The following NUCB2 variants were observed in gnomAD, a reference collection of about 807,000 sequenced individuals.
NUCB2 encodes nucleobindin-2.
In NUCB2, 48 loss-of-function variants were observed where a neutral mutation model predicts 57.9. The observed-to-expected ratio is 0.83, with a 90% CI of 0.66 to 1.05. The LOEUF (loss-of-function observed/expected upper bound fraction) is 1.05, where lower values mean the gene tolerates loss of function less well. Ranked by LOEUF, NUCB2 falls within the 50% of genes least tolerant of loss-of-function variation. The pLI, the probability that NUCB2 is intolerant of heterozygous loss-of-function variation, is 0.00. For missense variants in NUCB2, 442 were observed against 476.2 expected, an observed-to-expected ratio of 0.93 and a Z score of 0.67; for synonymous variants, 139 against 152.1, an observed-to-expected ratio of 0.91 and a Z score of 0.64.
chr11:17,322,033 T>A (rs1950093515), intron 11 of NUCB2, among the ~76,000 whole-genome samples: 2 of 152,198 alleles, frequency 1.3e-5, no homozygotes, highest in Admixed American at 1.3e-4. Flanking sequence ...TTTTCTCTCA[T>A]TCTGTGGGTT....
chr11:17,348,319 G>GGTTTTTTTTTTTTTTT (rs1952917777), intron 2 of NUCB2, among the ~76,000 whole-genome samples: 1 of 84,452 alleles, frequency 1.2e-5, no homozygotes, highest in African/African-American at 5.0e-5. Context: ...TTGTTTTTGT[G>GGTTTTTTTTTTTTTTT]TTTTTTTTTT....
chr11:17,345,208 A>C (rs1040099633), intron 2 of NUCB2, among the ~76,000 whole-genome samples: 12 of 152,252 alleles, frequency 7.9e-5, no homozygotes, highest in Middle Eastern at 3.4e-3. Flanking sequence ...TGAAAAAAAA[A>C]CCTATCCATT....
intron 1 of NUCB2, among the ~76,000 whole-genome samples, chr11:17,279,536 T>C (rs1408469531): frequency 6.6e-6 from 1 of 152,162 alleles, no homozygotes; most frequent in Non-Finnish European, 1.5e-5. Context: ...TTTTTTGCTA[T>C]ACATACATAA....
chr11:17,278,994 A>G (rs1591137359), intron 1 of NUCB2, among the ~76,000 whole-genome samples: 1 of 152,166 alleles, frequency 6.6e-6, no homozygotes, highest in Admixed American at 6.5e-5. Flanking sequence ...GGAGTTCAAG[A>G]CCAGCCTGGC....
chr11:17,331,466 C>G lies in NUCB2; in HGVS notation c.*47C>G. The G allele has an allele frequency of 7.8e-7, 1 of 1,290,090 alleles. No individual in the cohort carries two copies. Among genetic ancestry groups the G allele is most frequent in the Non-Finnish European group, 1.0e-6 (1 of 966,442 alleles). 79.9% of individuals were successfully genotyped at this position (1,290,090 alleles called of 1,614,324 possible). A position where few individuals can be genotyped will look rare whatever the true frequency, so the allele number is the denominator to read the frequency against. On this transcript the variant is annotated 3_prime_UTR_variant, in exon 14 of 14. Transcript: ENST00000529010. ...TGGAAGAAAGCTGTTAACTCAACAT[C>G]TATTTCATCTTTTTAGCTCCCTTCC...
Position 17,295,247 on chromosome 11 carries a change from A to G in NUCB2, c.1-77A>G, listed in dbSNP as rs1012911860. 14 of 1,251,232 alleles carry G rather than the reference A, an allele frequency of 1.1e-5. No individual in the cohort carries two copies. The African/African-American group carries it at 2.0e-4, about 18-fold the overall frequency. The allele number at this position is 1,251,232 out of a possible 1,614,324, so 77.5% of individuals were successfully genotyped here. ...ACCTCTTGAGATTAAATATATGATT[A>G]ATGTGACATTCGGAATGCATGTATA... On this transcript the variant is annotated intron_variant, in intron 2 of 13. Coordinates refer to ENST00000529010, the MANE Select transcript of NUCB2 (RefSeq NM_005013.4).
At chr11:17,311,704 A>G (rs1004832093) in intron 8 of NUCB2, 168 bp from the exon 9 acceptor site, 6 of 511,210 alleles carry the variant, frequency 1.2e-5, no homozygotes, top group Non-Finnish European at 1.7e-5. Flanking sequence ...CAGCATATTT[A>G]TCAGTTCAGC....
chr11:17,278,209 T>G (rs906776746), intron 1 of NUCB2, among the ~76,000 whole-genome samples: 5 of 129,282 alleles, frequency 3.9e-5, no homozygotes, highest in Middle Eastern at 4.4e-3. Flanking sequence ...GGAGTCTCAC[T>G]CTGTCACCCA....
intron 2 of NUCB2, among the ~76,000 whole-genome samples, chr11:17,340,072 G>A (rs1403723992): frequency 6.6e-6 from 1 of 152,210 alleles, no homozygotes; most frequent in East Asian, 1.9e-4. Context: ...GTATCTCATT[G>A]TGGTTTTGAT....
intron 2 of NUCB2, among the ~76,000 whole-genome samples, chr11:17,342,407 G>A (rs1016874186): frequency 1.6e-4 from 24 of 151,696 alleles, no homozygotes; most frequent in African/African-American, 5.6e-4. Context: ...GTGATGTTAG[G>A]GTGTCAATTT....
At chr11:17,287,891 T>A (rs1359128344) in intron 2 of NUCB2, among the ~76,000 whole-genome samples, 3 of 151,934 alleles carry the variant, frequency 2.0e-5, no homozygotes, top group African/African-American at 7.3e-5. Flanking sequence ...TCCCAGCTAC[T>A]TGGGAGGCTG....
chr11:17,293,189 G>A (rs1414807109), intron 2 of NUCB2, among the ~76,000 whole-genome samples: 2 of 150,976 alleles, frequency 1.3e-5, no homozygotes, highest in Non-Finnish European at 2.9e-5. Context: ...GGGAGGCAGA[G>A]GTTGCAGTGA....
rs562288338 is a variant in NUCB2, at chr11:17,285,313, G to A, written c.-1+2370G>A. On this transcript the variant is annotated intron_variant, in intron 2 of 13. Transcript: ENST00000529010. ...GGCGTGGCTGGGTGAGGTGGCTCAC[G>A]CCTATAATCCCAGCACTTTGGGAGG... 2.3e-3 allele frequency among the ~76,000 whole-genome samples: 348 copies of A among 152,168 alleles called. 2 individuals carry two copies. The highest frequency in any genetic ancestry group is 7.9e-3 in the African/African-American group (329 of 41,522).
chr11:17,338,517 T>G (rs1483659273), intron 2 of NUCB2, among the ~76,000 whole-genome samples: 7 of 152,162 alleles, frequency 4.6e-5, no homozygotes, highest in Admixed American at 3.3e-4. Context: ...GAAAATTTGC[T>G]TACCTCCTTT....
rs1948387658 is a variant in NUCB2, at chr11:17,310,892, A to C, written c.551A>C (p.Lys184Thr). 6.3e-7 allele frequency: 1 copy of C among 1,597,482 alleles called. No individual in the cohort carries two copies. The highest frequency in any genetic ancestry group is 1.4e-5 in the African/African-American group (1 of 73,810). ...GAATTTAAAAAATATGAAATGATGA[A>C]GGAACATGAAAGGAGAGAATATTTA... is the stretch of plus-strand genomic sequence containing the variant. ...HEEFKKYEMM[K>T]EHERREYLKT... Residue 184 changes from lysine to threonine, a missense_variant, in exon 7 of 14, where the codon AAG becomes ACG. Transcript: ENST00000529010.
chr11:17,288,940 CACACACACACATATAT>C (rs1325030049), intron 2 of NUCB2, among the ~76,000 whole-genome samples: 6 of 81,564 alleles, frequency 7.4e-5, no homozygotes, highest in Middle Eastern at 5.7e-3. Context: ...CACACACACA[CACACACACACATATAT>C]ATATATATTT....
intron 1 of NUCB2, among the ~76,000 whole-genome samples, chr11:17,279,915 G>A (rs1942205913): frequency 6.6e-6 from 1 of 151,390 alleles, no homozygotes. Flanking sequence ...TCAGCCTCCT[G>A]AGTAGCTAGG....
At chr11:17,331,093 TTGTG>T in intron 13 of NUCB2, 110 bp downstream of exon 13, 1 of 879,858 alleles carries the variant, frequency 1.1e-6, no homozygotes, top group Admixed American at 3.0e-5. Flanking sequence ...ATGTTATTTT[TTGTG>T]TATTTTTTGT....
chr11:17,297,713 C>A (rs1481004734), intron 4 of NUCB2, among the ~76,000 whole-genome samples: 2 of 152,140 alleles, frequency 1.3e-5, no homozygotes, highest in Non-Finnish European at 1.5e-5. Context: ...TTATAACTAT[C>A]TTCCTTTCAC....
Sources: allele counts gnomAD v4.1 joint callset (sites outside exome capture counted in the v4.1 genomes callset), GRCh38; gene constraint gnomAD v4.1.1; transcripts MANE v1.5; gene names NCBI Gene and HGNC (gene_info 2026-07-23, HGNC 2026-07-21).